Variants in FILIP1 observed in about 807,000 individuals in gnomAD.
FILIP1 encodes filamin-A-interacting protein 1.
Under a neutral mutation model 102.1 loss-of-function variants are expected in FILIP1, and 61 were observed. That is an observed-to-expected ratio of 0.60 (90% CI 0.49 to 0.74). The LOEUF is 0.74. Among genes scored for constraint, FILIP1 ranks in the 30% least tolerant of loss-of-function variants. FILIP1 has a pLI of 0.00. For missense variants in FILIP1, 1,314 were observed against 1,441.2 expected, an observed-to-expected ratio of 0.91 and a Z score of 1.43; for synonymous variants, 491 against 526.9, an observed-to-expected ratio of 0.93 and a Z score of 0.93.
At chr6:75,449,230 G>A (rs1406184075) in intron 1 of FILIP1, among the ~76,000 whole-genome samples, 1 of 152,086 alleles carries the variant, frequency 6.6e-6, no homozygotes, top group African/African-American at 2.4e-5. Context: ...ACTCAGGAAT[G>A]GAAAACCAAA....
intron 4 of FILIP1, among the ~76,000 whole-genome samples, chr6:75,315,886 C>A (rs1268616256): frequency 6.6e-6 from 1 of 152,134 alleles, no homozygotes; most frequent in Non-Finnish European, 1.5e-5. Context: ...TATTTTAAAC[C>A]CTTGACGTAA....
intron 4 of FILIP1, among the ~76,000 whole-genome samples, chr6:75,347,849 C>G (rs1774644623): frequency 6.6e-6 from 1 of 152,102 alleles, no homozygotes; most frequent in South Asian, 2.1e-4. Flanking sequence ...CCATTCAAAC[C>G]CCTGCTCTTA....
chr6:75,415,972 C>G (rs1234899334), intron 1 of FILIP1, among the ~76,000 whole-genome samples: 1 of 152,074 alleles, frequency 6.6e-6, no homozygotes, highest in Non-Finnish European at 1.5e-5. Flanking sequence ...CTCTAATATC[C>G]TGTGGGGTGT....
At chr6:75,359,880 GA>G (rs1214112823) in intron 3 of FILIP1, among the ~76,000 whole-genome samples, 1 of 152,016 alleles carries the variant, frequency 6.6e-6, no homozygotes, top group African/African-American at 2.4e-5. Flanking sequence ...AACAGGGCCT[GA>G]AAAAAGAAAA....
Position 75,308,370 on chromosome 6 carries a change from G to C in FILIP1, c.*321C>G. The C allele has an allele frequency of 9.5e-7, 1 of 1,047,400 alleles. No homozygotes were observed. The highest frequency in any genetic ancestry group is 1.2e-6 in the Non-Finnish European group (1 of 855,020). 64.9% of individuals were successfully genotyped at this position (1,047,400 alleles called of 1,614,324 possible). A position where few individuals can be genotyped will look rare whatever the true frequency, so the allele number is the denominator to read the frequency against. The stretch of plus-strand genomic sequence containing the variant: ...AATATGGGAGCCGGACTTGAAGAGC[G>C]TGTGATTGAGTCCCCACATCTAACT... On this transcript the variant is annotated 3_prime_UTR_variant, in exon 6 of 6. Coordinates refer to ENST00000237172, the MANE Select transcript of FILIP1 (RefSeq NM_015687.5).
chr6:75,326,095 T>TTAGA (rs145164121), intron 4 of FILIP1, among the ~76,000 whole-genome samples: 76,010 of 144,650 alleles, frequency 0.53, 19,652 homozygotes, highest in Middle Eastern at 0.6. Flanking sequence ...GATAGATAGA[T>TTAGA]TAGATAGATA....
At chr6:75,471,897 T>C (rs1309659972) in intron 1 of FILIP1, among the ~76,000 whole-genome samples, 1 of 152,130 alleles carries the variant, frequency 6.6e-6, no homozygotes, top group Admixed American at 6.6e-5. Context: ...ATACATTATA[T>C]TGTTAACAGT....
At chr6:75,478,091 G>A (rs538827586) in intron 1 of FILIP1, among the ~76,000 whole-genome samples, 14 of 152,216 alleles carry the variant, frequency 9.2e-5, no homozygotes, top group African/African-American at 3.1e-4. Flanking sequence ...ATTCACTTGC[G>A]CCCAATGTAT....
intron 2 of FILIP1, among the ~76,000 whole-genome samples, chr6:75,413,802 A>G (rs1388773923): frequency 2.0e-5 from 3 of 150,176 alleles, no homozygotes; most frequent in Non-Finnish European, 3.0e-5. Flanking sequence ...AAAAAAAAGT[A>G]TTGTTCCTCT....
At chr6:75,329,930 T>G (rs1774014097) in intron 4 of FILIP1, among the ~76,000 whole-genome samples, 1 of 152,258 alleles carries the variant, frequency 6.6e-6, no homozygotes, top group East Asian at 1.9e-4. Flanking sequence ...GATCCAATTA[T>G]AGAATGTTAC....
At chr6:75,363,936 C>G (rs1775246039) in intron 2 of FILIP1, among the ~76,000 whole-genome samples, 1 of 152,154 alleles carries the variant, frequency 6.6e-6, no homozygotes. Flanking sequence ...AAATTATAAA[C>G]CTGGTTCATT....
chr6:75,429,014 T>C (rs114323753), intron 1 of FILIP1, among the ~76,000 whole-genome samples: 245 of 152,268 alleles, frequency 1.6e-3, no homozygotes, highest in African/African-American at 5.6e-3. Flanking sequence ...TTACTCACTA[T>C]TACCTCTTTA....
intron 2 of FILIP1, among the ~76,000 whole-genome samples, chr6:75,389,706 A>G (rs371474476): frequency 2.6e-5 from 4 of 152,278 alleles, no homozygotes; most frequent in South Asian, 4.1e-4. Flanking sequence ...TTTCTGTGAG[A>G]TAAGTGTTGA....
rs751662162 is a variant in FILIP1, at chr6:75,314,680, T to G, written c.1152A>C (p.Arg384=). 6.2e-7 allele frequency: 1 copy of G among 1,613,906 alleles called. No individual in the cohort carries two copies. Among genetic ancestry groups the G allele is most frequent in the South Asian group, 1.1e-5 (1 of 90,972 alleles). The part of the protein sequence containing the change: ...SSLMAEVENL[R]KRVLEMEGKD... ...TACCTTCCATTTCAAGCACACGCTT[T>G]CGAAGATTTTCCACTTCTGCCATGA... is the stretch of plus-strand genomic sequence containing the variant. Residue 384 remains arginine (R), a synonymous_variant, in exon 5 of 6, where the codon CGA becomes CGC. Coordinates refer to ENST00000237172, the MANE Select transcript of FILIP1 (RefSeq NM_015687.5).
intron 6 of FILIP1, among the ~76,000 whole-genome samples, chr6:75,296,341 T>TTGTCTGTG (rs1772669412): frequency 7.1e-6 from 1 of 141,484 alleles, no homozygotes; most frequent in Admixed American, 7.0e-5. Flanking sequence ...TTCAATTTCT[T>TTGTCTGTG]TGTGTGTGTG....
At position 75,362,760 on chromosome 6, in the gene FILIP1, T is replaced by C; in HGVS notation, c.434A>G (p.Glu145Gly). ...TATTTTTACCTCTGAAATCGGTTTC[T>C]CATAGACATCTTCTCCTATGGATTT... Reference protein sequence around the residue: ...QEKSIGEDVYEKPISELDRLE... With the variant: ...QEKSIGEDVYGKPISELDRLE... The change falls in exon 3 of 6, where the codon GAG becomes GGG. Residue 145 changes from glutamate (E) to glycine (G), a missense_variant. This residue lies in a region of FILIP1 where 494 missense variants were observed against 511.2 expected (regional missense o/e 0.97). Coordinates refer to ENST00000237172, the MANE Select transcript of FILIP1 (RefSeq NM_015687.5). 6.2e-7 allele frequency: 1 copy of C among 1,613,510 alleles called. No homozygotes were observed. The highest frequency in any genetic ancestry group is 8.5e-7 in the Non-Finnish European group (1 of 1,179,952).
chr6:75,471,218 G>C (rs1015235099), intron 1 of FILIP1, among the ~76,000 whole-genome samples: 4 of 149,146 alleles, frequency 2.7e-5, no homozygotes, highest in Admixed American at 6.7e-5. Flanking sequence ...TCAACCACAG[G>C]AGTATAAAAG....
Position 75,342,411 on chromosome 6 carries a change from C to T in FILIP1, c.629+11128G>A, listed in dbSNP as rs79689101. The stretch of plus-strand genomic sequence containing the variant: ...GTACTAATTGCAGGCCTCACACTCA[C>T]GTGTGCAAGAAATACAATGATCTTC... On this transcript the variant is annotated intron_variant, in intron 4 of 5. Transcript: ENST00000237172. 7.6e-3 allele frequency among the ~76,000 whole-genome samples: 1,156 copies of T among 152,338 alleles called. 20 individuals carry two copies. The highest frequency in any genetic ancestry group is 0.026 in the African/African-American group (1,082 of 41,574).
At chr6:75,476,047 C>T (rs539424179) in intron 1 of FILIP1, among the ~76,000 whole-genome samples, 1 of 152,158 alleles carries the variant, frequency 6.6e-6, no homozygotes, top group South Asian at 2.1e-4. Context: ...TCGAGACCAG[C>T]CTGGCCAACA....
Sources: allele counts gnomAD v4.1 joint callset (sites outside exome capture counted in the v4.1 genomes callset), GRCh38; gene constraint gnomAD v4.1.1; regional missense constraint gnomAD v4.1.1; transcripts MANE v1.5; gene names NCBI Gene and HGNC (gene_info 2026-07-23, HGNC 2026-07-21).